SMIM31: variants seen among roughly 807,000 people sequenced by gnomAD.
SMIM31 encodes the protein human epithelial cell program regulator.
At chr4:164,764,652 T>C (rs1377243917) in intron 1 of SMIM31, among the ~76,000 whole-genome samples, 1 of 152,024 alleles carries the variant, frequency 6.6e-6, no homozygotes, top group Non-Finnish European at 1.5e-5. Context: ...TTCAAAATAT[T>C]GCCTTCAGCT....
intron 2 of SMIM31, among the ~76,000 whole-genome samples, chr4:164,787,088 A>G (rs947668458): frequency 2.0e-5 from 3 of 152,336 alleles, no homozygotes; most frequent in African/African-American, 7.2e-5. Flanking sequence ...TCAGGGATAG[A>G]ATTGTATGTT....
chr4:164,796,053 T>C (rs1733191097), intron 2 of SMIM31, among the ~76,000 whole-genome samples: 1 of 152,204 alleles, frequency 6.6e-6, no homozygotes, highest in South Asian at 2.1e-4. Flanking sequence ...GGGCTAATTC[T>C]CAGTGGGCTT....
chr4:164,779,925 C>A (rs950310142), intron 2 of SMIM31, among the ~76,000 whole-genome samples: 4 of 152,110 alleles, frequency 2.6e-5, no homozygotes, highest in Non-Finnish European at 5.9e-5. Context: ...GTAATTGCAG[C>A]AGCCAGCCAG....
At chr4:164,758,765 C>G (rs1398822792) in intron 1 of SMIM31, among the ~76,000 whole-genome samples, 2 of 137,638 alleles carry the variant, frequency 1.5e-5, no homozygotes, top group East Asian at 2.2e-4. Context: ...TCCAGCATAG[C>G]TGGGACTACA....
intron 1 of SMIM31, among the ~76,000 whole-genome samples, chr4:164,766,033 A>G (rs1732716541): frequency 6.6e-6 from 1 of 152,120 alleles, no homozygotes. Flanking sequence ...GCCGCGAGAG[A>G]ATGAACGGAT....
chr4:164,783,301 A>G (rs1323680597), intron 2 of SMIM31, among the ~76,000 whole-genome samples: 5 of 150,516 alleles, frequency 3.3e-5, no homozygotes, highest in Admixed American at 2.0e-4. Flanking sequence ...AGGAGGGTGA[A>G]TCACTTGAGG....
At chr4:164,761,385 A>G (rs187345647) in intron 1 of SMIM31, among the ~76,000 whole-genome samples, 1 of 152,292 alleles carries the variant, frequency 6.6e-6, no homozygotes, top group Admixed American at 6.5e-5. Flanking sequence ...AAATTCATAA[A>G]TCACCTTTGA....
chr4:164,786,464 T>C (rs1278855255), intron 2 of SMIM31, among the ~76,000 whole-genome samples: 4 of 150,296 alleles, frequency 2.7e-5, no homozygotes, highest in Non-Finnish European at 5.9e-5. Flanking sequence ...TCTGAATTAT[T>C]GCCAGAAACC....
chr4:164,788,235 C>A (rs1343144477), intron 2 of SMIM31, among the ~76,000 whole-genome samples: 1 of 152,026 alleles, frequency 6.6e-6, no homozygotes, highest in Non-Finnish European at 1.5e-5. Flanking sequence ...TCCCTCTAAC[C>A]CTTGAGACTC....
At chr4:164,775,680 C>T (rs940398893) in intron 2 of SMIM31, among the ~76,000 whole-genome samples, 1 of 152,126 alleles carries the variant, frequency 6.6e-6, no homozygotes, top group African/African-American at 2.4e-5. Flanking sequence ...CTATATATGA[C>T]AAACTGGTGT....
In SMIM31 at chr4:164,775,744, A is replaced by G. The variant is rs1732873128; in HGVS notation, c.112+5189A>G. 2.0e-5 allele frequency among the ~76,000 whole-genome samples: 3 copies of G among 152,320 alleles called. No individual in the cohort carries two copies. In the South Asian group the frequency reaches 6.2e-4, roughly 32 times the overall value. On this transcript the variant is annotated intron_variant, in intron 2 of 2. Transcript: ENST00000507311. ...TAGTAGGATTACAGCTATTTCTGGC[A>G]TGGAGAAAAGAGACAATGGCTCACT...
chr4:164,771,731 C>T (rs1323845942), intron 2 of SMIM31, among the ~76,000 whole-genome samples: 4 of 152,094 alleles, frequency 2.6e-5, no homozygotes, highest in Non-Finnish European at 5.9e-5. Flanking sequence ...ATCAGTTGAA[C>T]ACAGGAGGCG....
In SMIM31 at chr4:164,801,198, C is replaced by T; in HGVS notation, c.*4C>T. 2.5e-6 allele frequency: 1 copy of T among 398,948 alleles called. No individual in the cohort carries two copies. Among genetic ancestry groups the T allele is most frequent in the Non-Finnish European group, 4.4e-6 (1 of 226,030 alleles). 24.7% of individuals were successfully genotyped at this position (398,948 alleles called of 1,614,324 possible). A position where few individuals can be genotyped will look rare whatever the true frequency, so the allele number is the denominator to read the frequency against. Reference sequence around the variant, plus strand: ...AATTGAAGCTGTTGAGCTATGATCTCATAGCCACCGATATTTCTCGCTAAG... The same window carrying T: ...AATTGAAGCTGTTGAGCTATGATCTTATAGCCACCGATATTTCTCGCTAAG... On this transcript the variant is annotated 3_prime_UTR_variant, in exon 3 of 3. Transcript: ENST00000507311.
chr4:164,771,992 T>C (rs1451617056), intron 2 of SMIM31, among the ~76,000 whole-genome samples: 1 of 152,176 alleles, frequency 6.6e-6, no homozygotes, highest in African/African-American at 2.4e-5. Flanking sequence ...CCTGTAAGCA[T>C]AAAAAACAAC....
chr4:164,781,398 T>C (rs1478582887), intron 2 of SMIM31, among the ~76,000 whole-genome samples: 5 of 152,194 alleles, frequency 3.3e-5, no homozygotes, highest in Non-Finnish European at 7.3e-5. Context: ...CCAAATGTCC[T>C]TTAGCAGGTA....
At chr4:164,772,564 TA>T (rs1732819588) in intron 2 of SMIM31, among the ~76,000 whole-genome samples, 2 of 114,582 alleles carry the variant, frequency 1.7e-5, no homozygotes, top group Non-Finnish European at 3.7e-5. Flanking sequence ...ACTGAAGTTT[TA>T]TTTTTTTTAT....
chr4:164,769,657 A>T (rs185810914), intron 1 of SMIM31, among the ~76,000 whole-genome samples: 45 of 151,522 alleles, frequency 3.0e-4, no homozygotes, highest in African/African-American at 9.9e-4. Context: ...ATTATGAGTT[A>T]ATGGGTTCAG....
At chr4:164,790,706 C>A (rs533538032) in intron 2 of SMIM31, among the ~76,000 whole-genome samples, 1 of 152,070 alleles carries the variant, frequency 6.6e-6, no homozygotes, top group East Asian at 1.9e-4. Flanking sequence ...ATAATAAATA[C>A]TTTTCATTAG....
chr4:164,799,377 CCT>C (rs1579076263), intron 2 of SMIM31, among the ~76,000 whole-genome samples: 1 of 151,516 alleles, frequency 6.6e-6, no homozygotes, highest in Admixed American at 6.6e-5. Context: ...AGAGCAAGCC[CCT>C]GTCTCAAAAA....
Sources: allele counts gnomAD v4.1 joint callset (sites outside exome capture counted in the v4.1 genomes callset), GRCh38; gene constraint gnomAD v4.1.1; transcripts MANE v1.5; gene names NCBI Gene and HGNC (gene_info 2026-07-23, HGNC 2026-07-21).